The following SPTBN1 variants were observed in gnomAD, a reference collection of about 807,000 sequenced individuals.
SPTBN1 encodes the protein spectrin beta, non-erythrocytic 1.
A neutral mutation model predicts 266.4 loss-of-function variants in SPTBN1; 32 were observed. That is an observed-to-expected ratio of 0.12 (90% CI 0.09 to 0.16). SPTBN1 has a LOEUF of 0.16. SPTBN1 is among the 10% of genes least tolerant of loss of function. SPTBN1 has a pLI of 1.00. For missense variants in SPTBN1, 2,296 were observed against 3,067.1 expected (o/e 0.75, Z 5.94); for synonymous variants, 1,336 against 1,162.2 (o/e 1.15, Z -3.04).
intron 18 of SPTBN1, among the ~76,000 whole-genome samples, chr2:54,641,728 C>T (rs1572735922): frequency 6.6e-6 from 1 of 151,330 alleles, no homozygotes; most frequent in East Asian, 1.9e-4. Context: ...GGGACAGTGC[C>T]CAAGAGTTCA....
At chr2:54,467,252 G>T (rs184554803) in intron 1 of SPTBN1, among the ~76,000 whole-genome samples, 34 of 151,786 alleles carry the variant, frequency 2.2e-4, no homozygotes, top group African/African-American at 7.7e-4. Flanking sequence ...TTTTGGGGGT[G>T]GGGGGGCTTT....
intron 2 of SPTBN1, among the ~76,000 whole-genome samples, chr2:54,581,577 C>T (rs1199769855): frequency 6.8e-5 from 7 of 102,678 alleles, no homozygotes; most frequent in Non-Finnish European, 1.1e-4. Flanking sequence ...TTTCTTTGCC[C>T]TTTTTTTTTT....
chr2:54,659,066 ACAGGAGGACTT>A, intron 30 of SPTBN1, 77 bp from the exon 31 acceptor site: 1 of 1,409,984 alleles, frequency 7.1e-7, no homozygotes, highest in Non-Finnish European at 1.0e-6. Flanking sequence ...AGCAAACTAG[ACAGGAGGACTT>A]CCTGGGTTCC....
rs1137672 is a variant in SPTBN1, at chr2:54,558,641, C to T, written c.148+32075C>T. ...GCAGCCAACTTCCCATCAGATCACCCTGCTGGACTTGCAGACCGGAATGGG... is the reference window on the plus strand; with the variant it reads ...GCAGCCAACTTCCCATCAGATCACCTTGCTGGACTTGCAGACCGGAATGGG... On this transcript the variant is annotated intron_variant, in intron 2 of 35. Coordinates refer to ENST00000356805, the MANE Select transcript of SPTBN1 (RefSeq NM_003128.3). The surrounding 1 kb of genome is among the most constrained non-coding windows in gnomAD (Gnocchi z 4.6). 1 of 1,487,652 alleles carries T rather than the reference C, an allele frequency of 6.7e-7. No individual in the cohort carries two copies. Among genetic ancestry groups the T allele is most frequent in the Non-Finnish European group, 8.9e-7 (1 of 1,118,000 alleles). The allele number at this position is 1,487,652 out of a possible 1,614,324, so 92.2% of individuals were successfully genotyped here.
chr2:54,657,902 G>T lies in SPTBN1; in HGVS notation c.6099G>T (p.Leu2033=). Reference sequence around the variant, plus strand: ...ACGCCAGTGTGGCCGAGGCCTGGCTGCTTGGACAGGAGCCGTACCTATCCA... The same window carrying T: ...ACGCCAGTGTGGCCGAGGCCTGGCTTCTTGGACAGGAGCCGTACCTATCCA... ...SRDASVAEAW[L]LGQEPYLSSR... Residue 2033 remains leucine, a synonymous_variant, in exon 30 of 36, where the codon CTG becomes CTT. Transcript: ENST00000356805. 1 of 1,614,262 alleles carries T rather than the reference G, an allele frequency of 6.2e-7. No homozygotes were observed. Among genetic ancestry groups the T allele is most frequent in the Non-Finnish European group, 8.5e-7 (1 of 1,180,048 alleles).
At chr2:54,596,257 G>A (rs1202618737) in intron 2 of SPTBN1, among the ~76,000 whole-genome samples, 2 of 152,320 alleles carry the variant, frequency 1.3e-5, no homozygotes, top group South Asian at 2.1e-4. Flanking sequence ...CAGGGGTGAT[G>A]TCATTGTGCC....
intron 2 of SPTBN1, among the ~76,000 whole-genome samples, chr2:54,561,802 T>C (rs1673323281): frequency 4.2e-5 from 6 of 141,178 alleles, no homozygotes; most frequent in Admixed American, 4.1e-4. Flanking sequence ...TAGTCATAAA[T>C]ATATAGTTTA....
rs1052414525 is a variant in SPTBN1, at chr2:54,623,652, A to G, written c.1182+56A>G. The G allele has an allele frequency of 5.0e-6, 7 of 1,402,216 alleles. No homozygotes were observed. In the African/African-American group the frequency reaches 1.0e-4, roughly 20 times the overall value. The allele number at this position is 1,402,216 out of a possible 1,614,324, so 86.9% of individuals were successfully genotyped here. ...TGACCTCCTGGAGGCTTCAGGTTCT[A>G]TCACTAGGTCTCGACTGCTAAGAGG... On this transcript the variant is annotated intron_variant, in intron 10 of 35. Coordinates refer to ENST00000356805, the MANE Select transcript of SPTBN1 (RefSeq NM_003128.3).
chr2:54,573,197 C>T (rs1273437988), intron 2 of SPTBN1, among the ~76,000 whole-genome samples: 1 of 152,162 alleles, frequency 6.6e-6, no homozygotes, highest in Non-Finnish European at 1.5e-5. Context: ...GAAAGTGATG[C>T]ACAGGTCACT....
intron 2 of SPTBN1, among the ~76,000 whole-genome samples, chr2:54,543,113 G>A (rs182873932): frequency 6.6e-6 from 1 of 152,244 alleles, no homozygotes; most frequent in East Asian, 1.9e-4. Context: ...CCATCTCGGG[G>A]CTGATGCTGA....
Position 54,558,337 on chromosome 2 carries a change from G to A in SPTBN1, c.148+31771G>A. On this transcript the variant is annotated intron_variant, in intron 2 of 35. Coordinates refer to ENST00000356805, the MANE Select transcript of SPTBN1 (RefSeq NM_003128.3). This position sits in a 1 kb window ranked among gnomAD's most constrained non-coding sequence, Gnocchi z 4.6. Reference sequence around the variant, plus strand: ...CAGGTGACATCACCGCCCAGCACACGGCGAGTGGCTCCTGATAAAATTACA... The same window carrying A: ...CAGGTGACATCACCGCCCAGCACACAGCGAGTGGCTCCTGATAAAATTACA... 2 of 994,902 alleles carry A rather than the reference G, an allele frequency of 2.0e-6. No individual in the cohort carries two copies. Among genetic ancestry groups the A allele is most frequent in the Non-Finnish European group, 2.4e-6 (2 of 835,896 alleles). 61.6% of individuals were successfully genotyped at this position (994,902 alleles called of 1,614,324 possible).
At chr2:54,571,159 G>A (rs1257164299) in intron 2 of SPTBN1, among the ~76,000 whole-genome samples, 2 of 152,046 alleles carry the variant, frequency 1.3e-5, no homozygotes, top group Admixed American at 6.5e-5. Flanking sequence ...GAAGGGAAGT[G>A]GCTCAGAACA....
chr2:54,664,804 G>C lies in SPTBN1; in HGVS notation c.6659+113G>C. 2.7e-6 allele frequency: 3 copies of C among 1,102,656 alleles called. No homozygotes were observed. 68.3% of individuals were successfully genotyped at this position (1,102,656 alleles called of 1,614,324 possible). A position where few individuals can be genotyped will look rare whatever the true frequency, so the allele number is the denominator to read the frequency against. ...TGTGCTCATGTAGTTTTATTCCTTT[G>C]GTAGCTTCCTGGACATTGCATTCTT... On this transcript the variant is annotated intron_variant, in intron 33 of 35. Transcript: ENST00000356805. The surrounding 1 kb of genome is among the most constrained non-coding windows in gnomAD (Gnocchi z 5.6).
At chr2:54,456,966 G>T (rs910983490) in intron 1 of SPTBN1, among the ~76,000 whole-genome samples, 4 of 150,900 alleles carry the variant, frequency 2.7e-5, no homozygotes, top group Non-Finnish European at 5.9e-5. Flanking sequence ...CTATTTTCAG[G>T]TGCCCTCTCT....
chr2:54,557,899 G>A, intron 2 of SPTBN1: 1 of 984,570 alleles, frequency 1.0e-6, no homozygotes, highest in Non-Finnish European at 1.2e-6. Context: ...CCGGTGGCTC[G>A]CCGGGCCGCC....
chr2:54,659,967 A>G lies in SPTBN1; in HGVS notation c.6388A>G (p.Asn2130Asp). The change falls in exon 32 of 36, where the codon AAC becomes GAC. Residue 2130 changes from asparagine (N) to aspartate (D), a missense_variant. Physicochemically the swap from Asn to Asp is conservative, Grantham distance 23 (BLOSUM62 1). Transcript: ENST00000356805. Reference protein sequence around the residue: ...DTSKGEQVSQNGLPAEQGSPR... With the variant: ...DTSKGEQVSQDGLPAEQGSPR... The stretch of plus-strand genomic sequence containing the variant: ...TTCAAAAGGAGAACAAGTTTCCCAA[A>G]ACGGTTTGCCAGCTGAACAGGGATC... 1 of 1,614,072 alleles carries G rather than the reference A, an allele frequency of 6.2e-7. No individual in the cohort carries two copies. Among genetic ancestry groups the G allele is most frequent in the Non-Finnish European group, 8.5e-7 (1 of 1,180,010 alleles).
chr2:54,646,406 T>G lies in SPTBN1; in HGVS notation c.4797T>G (p.Phe1599Leu). 6.2e-7 allele frequency: 1 copy of G among 1,602,210 alleles called. No homozygotes were observed. The highest frequency in any genetic ancestry group is 8.5e-7 in the Non-Finnish European group (1 of 1,174,312). The change falls in exon 23 of 36, where the codon TTT (phenylalanine) becomes TTG (leucine). Residue 1599 changes from phenylalanine to leucine, a missense_variant. Transcript: ENST00000356805. The surrounding 1 kb of genome is among the most constrained non-coding windows in gnomAD (Gnocchi z 4.4). The part of the protein sequence containing the change: ...EEAHRAQQYY[F>L]DAAEAEAWMS... Reference sequence around the variant, plus strand: ...CGCACAGGGCCCAGCAGTACTACTTTGACGCTGCTGAGGCCGAAGCCTGGA... The same window carrying G: ...CGCACAGGGCCCAGCAGTACTACTTGGACGCTGCTGAGGCCGAAGCCTGGA...
At chr2:54,521,460 T>C (rs1312084793) in intron 1 of SPTBN1, among the ~76,000 whole-genome samples, 1 of 152,214 alleles carries the variant, frequency 6.6e-6, no homozygotes, top group Non-Finnish European at 1.5e-5. Context: ...AAAAAAGATG[T>C]CTCTACCATC....
chr2:54,608,324 G>C (rs149018409), intron 3 of SPTBN1, among the ~76,000 whole-genome samples: 9 of 152,320 alleles, frequency 5.9e-5, no homozygotes, highest in African/African-American at 2.2e-4. Context: ...CTGTGGTCCA[G>C]CCTGTTAGTT....
Sources: allele counts gnomAD v4.1 joint callset (sites outside exome capture counted in the v4.1 genomes callset), GRCh38; gene constraint gnomAD v4.1.1; non-coding constraint Gnocchi (gnomAD v3.1); transcripts MANE v1.5; gene names NCBI Gene and HGNC (gene_info 2026-07-23, HGNC 2026-07-21).